The following CEP78 variants were observed in gnomAD, a reference collection of about 807,000 sequenced individuals.
The protein encoded by CEP78 is centrosomal protein of 78 kDa.
CEP78 carries 76 observed loss-of-function variants against 81.2 expected under a neutral mutation model. That is an observed-to-expected ratio of 0.94 (90% confidence interval 0.78 to 1.13). The LOEUF (loss-of-function observed/expected upper bound fraction) is 1.13. CEP78 is among the 50% of genes most tolerant of loss of function. CEP78 has a pLI of 0.00. For missense variants in CEP78, 918 were observed against 846.8 expected, an observed-to-expected ratio of 1.08 and a Z score of -1.04; for synonymous variants, 293 against 301.4, an observed-to-expected ratio of 0.97 and a Z score of 0.29.
rs61730338 is a variant in CEP78, at chr9:78,248,353, G to A, written c.955G>A (p.Glu319Lys). 1 of 1,555,996 alleles carries A rather than the reference G, an allele frequency of 6.4e-7. No homozygotes were observed. Among genetic ancestry groups the A allele is most frequent in the African/African-American group, 1.4e-5 (1 of 73,782 alleles). Residue 319 changes from glutamate (E) to lysine (K), a missense_variant and splice_region_variant, in exon 7 of 17, where the codon GAG becomes AAG. By Grantham distance (56) the Glu-to-Lys change is moderately conservative. Transcript: ENST00000643273. Reference protein sequence around the residue: ...VLQNGRSAKSEYQWITSPSVK... With the variant: ...VLQNGRSAKSKYQWITSPSVK... Reference sequence around the variant, plus strand: ...CCAGAATGGAAGGAGTGCCAAATCAGAGGTATATCATGTTTTATTTCTCCA... The same window carrying A: ...CCAGAATGGAAGGAGTGCCAAATCAAAGGTATATCATGTTTTATTTCTCCA...
chr9:78,257,578 T>C (rs530641097), intron 11 of CEP78, among the ~76,000 whole-genome samples: 1 of 152,080 alleles, frequency 6.6e-6, no homozygotes, highest in Non-Finnish European at 1.5e-5. Context: ...TTACTATGTA[T>C]TAGGCACTGT....
Position 78,241,769 on chromosome 9 carries a change from G to A in CEP78, c.573G>A (p.Gln191=), listed in dbSNP as rs1826243571. 1 of 1,607,610 alleles carries A rather than the reference G, an allele frequency of 6.2e-7. No homozygotes were observed. The highest frequency in any genetic ancestry group is 1.3e-5 in the African/African-American group (1 of 74,772). ...VNFTGCNLTW[Q]GADHMAKILK... ...TCACAGGATGTAATCTGACATGGCA[G>A]GGAGCAGATCACATGGCCAAGATCT... Residue 191 remains glutamine (Q), a synonymous_variant, in exon 4 of 17, where the codon CAG becomes CAA. Coordinates refer to ENST00000643273, the MANE Select transcript of CEP78 (RefSeq NM_001330691.3).
rs11137580 is a variant in CEP78, at chr9:78,264,970, G to T, written c.1626-402G>T. On this transcript the variant is annotated intron_variant, in intron 13 of 16. Coordinates refer to ENST00000643273, the MANE Select transcript of CEP78 (RefSeq NM_001330691.3). ...GTTATGTTTTGTAGGTGAACGGTTTGGTGAGGAAAGGAACAAACATATTCT... is the reference window on the plus strand; with the variant it reads ...GTTATGTTTTGTAGGTGAACGGTTTTGTGAGGAAAGGAACAAACATATTCT... Among the ~76,000 whole-genome samples the T allele has an allele frequency of 2.0e-3, 308 of 152,270 alleles. 7 individuals carry two copies. The East Asian group carries it at 0.051, about 25-fold the overall frequency.
At chr9:78,268,768 C>T (rs1237443818) in intron 16 of CEP78, among the ~76,000 whole-genome samples, 2 of 150,578 alleles carry the variant, frequency 1.3e-5, no homozygotes, top group East Asian at 2.0e-4. Flanking sequence ...CTGCAAGCTC[C>T]GCCTCAGCCT....
At chr9:78,251,790 G>A in intron 8 of CEP78, 118 bp from the exon 9 acceptor site, 1 of 667,160 alleles carries the variant, frequency 1.5e-6, no homozygotes, top group Non-Finnish European at 2.3e-6. Flanking sequence ...CTGATTTAAT[G>A]GACTTGGTGT....
intron 1 of CEP78, among the ~76,000 whole-genome samples, chr9:78,238,223 G>C (rs546549459): frequency 3.3e-5 from 5 of 152,260 alleles, no homozygotes; most frequent in African/African-American, 9.6e-5. Flanking sequence ...ATGGGTGACA[G>C]TTTACAGCAG....
Position 78,254,922 on chromosome 9 carries a change from T to C in CEP78, c.1338T>C (p.His446=), listed in dbSNP as rs968853625. Residue 446 remains histidine, a synonymous_variant, in exon 11 of 17, where the codon CAT becomes CAC. Coordinates refer to ENST00000643273, the MANE Select transcript of CEP78 (RefSeq NM_001330691.3). ...EEVDDSSESV[H]EVPEKTSIEQ... is the part of the protein sequence containing the mutation. ...TTGATGATTCTTCAGAGAGTGTTCA[T>C]GAAGTGCCTGAGAAAACTAGTATAG... The C allele has an allele frequency of 1.9e-6, 3 of 1,611,940 alleles. No homozygotes were observed. The highest frequency in any genetic ancestry group is 2.2e-5 in the East Asian group (1 of 44,728).
chr9:78,246,025 A>G (rs762137889), intron 5 of CEP78, among the ~76,000 whole-genome samples: 1 of 152,290 alleles, frequency 6.6e-6, no homozygotes, highest in African/African-American at 2.4e-5. Context: ...TTACACTGCC[A>G]CTAGCATCCT....
At chr9:78,270,745 T>A in intron 16 of CEP78, 96 bp from the exon 17 acceptor site, 1 of 604,958 alleles carries the variant, frequency 1.7e-6, no homozygotes, top group Admixed American at 3.3e-5. Context: ...AGGATCGGCA[T>A]GATAGGAGAT....
intron 16 of CEP78, chr9:78,267,040 A>C: frequency 1.7e-6 from 2 of 1,192,314 alleles, no homozygotes; most frequent in Non-Finnish European, 2.2e-6. Context: ...TTTACCTTTA[A>C]ATTTTAATAA....
chr9:78,270,987 C>T lies in CEP78; in HGVS notation c.*136C>T, dbSNP rs1173296140. The T allele has an allele frequency of 5.7e-6, 3 of 525,070 alleles. No homozygotes were observed. The highest frequency in any genetic ancestry group is 9.9e-6 in the Non-Finnish European group (3 of 303,258). The allele number at this position is 525,070 out of a possible 1,614,324, so 32.5% of individuals were successfully genotyped here. A position where few individuals can be genotyped will look rare whatever the true frequency, so the allele number is the denominator to read the frequency against. ...TAAAGGATGGAACAGCTAAGCCATT[C>T]CACTCATCTTTGGAGCATCTGATTC... is the stretch of plus-strand genomic sequence containing the variant. On this transcript the variant is annotated 3_prime_UTR_variant, in exon 17 of 17. Coordinates refer to ENST00000643273, the MANE Select transcript of CEP78 (RefSeq NM_001330691.3).
Position 78,274,108 on chromosome 9 carries a change from A to G in CEP78, c.*3257A>G, listed in dbSNP as rs1827754202. 1 of 152,268 alleles carries G rather than the reference A, an allele frequency of 6.6e-6. No individual in the cohort carries two copies. The highest frequency in any genetic ancestry group is 2.1e-4 in the South Asian group (1 of 4,830). The allele number at this position is 152,268 out of a possible 1,614,324, so 9.4% of individuals were successfully genotyped here. On this transcript the variant is annotated 3_prime_UTR_variant, in exon 17 of 17. Transcript: ENST00000643273. ...GTGGATATTTATAGCAGCTCCATTC[A>G]TAGTGACCAAGATGTCTTCCAACAG...
chr9:78,236,421 C>T lies in CEP78; in HGVS notation c.71C>T (p.Ala24Val), dbSNP rs1370536487. 1 of 1,601,022 alleles carries T rather than the reference C, an allele frequency of 6.2e-7. No homozygotes were observed. The highest frequency in any genetic ancestry group is 8.5e-7 in the Non-Finnish European group (1 of 1,174,238). ...TTCTCCCACTACGAGTACCTGTGCG[C>T]GCTGCAGAACTCGGTGCCGCTGCCC... Reference protein sequence around the residue: ...DFFSHYEYLCALQNSVPLPAV... With the variant: ...DFFSHYEYLCVLQNSVPLPAV... Residue 24 changes from alanine (A) to valine (V), a missense_variant, in exon 1 of 17, where the codon GCG becomes GTG. Physicochemically the swap from Ala to Val is moderately conservative, Grantham distance 64. Transcript: ENST00000643273.
In CEP78 at chr9:78,273,256, G is replaced by GTCA. The variant is rs1827732465; in HGVS notation, c.*2407_*2409dup. ...TGCTATTTGCAAAATCTAAAACGCTGTCATAGATTATAAAGAGATGAACAA... is the reference window on the plus strand; with the variant it reads ...TGCTATTTGCAAAATCTAAAACGCTGTCATCATAGATTATAAAGAGATGAACAA... On this transcript the variant is annotated 3_prime_UTR_variant, in exon 17 of 17. Coordinates refer to ENST00000643273, the MANE Select transcript of CEP78 (RefSeq NM_001330691.3). 6.6e-6 allele frequency: 1 copy of GTCA among 152,172 alleles called. No individual in the cohort carries two copies. Among genetic ancestry groups the GTCA allele is most frequent in the South Asian group, 2.1e-4 (1 of 4,826 alleles). The allele number at this position is 152,172 out of a possible 1,614,324, so 9.4% of individuals were successfully genotyped here.
intron 9 of CEP78, 116 bp from the exon 10 acceptor site, chr9:78,253,116 C>G: frequency 1.6e-6 from 1 of 623,742 alleles, no homozygotes; most frequent in East Asian, 2.8e-5. Flanking sequence ...AGTGATTTAT[C>G]TCTATGCACA....
chr9:78,266,339 TG>T, intron 15 of CEP78, 102 bp from the exon 16 acceptor site: 1 of 900,346 alleles, frequency 1.1e-6, no homozygotes, highest in Non-Finnish European at 1.7e-6. Flanking sequence ...AAAAATGACC[TG>T]GAAATCTTCT....
At chr9:78,265,961 C>A in intron 15 of CEP78, 55 bp downstream of exon 15, 2 of 861,726 alleles carry the variant, frequency 2.3e-6, no homozygotes, top group South Asian at 1.4e-5. Context: ...ATATAACAGG[C>A]AGTATATTAT....
chr9:78,246,369 G>A (rs1451863553), intron 5 of CEP78, among the ~76,000 whole-genome samples: 1 of 152,176 alleles, frequency 6.6e-6, no homozygotes, highest in Admixed American at 6.5e-5. Flanking sequence ...GGAGGCCGAG[G>A]TGGGCAGATC....
chr9:78,236,637 G>C, intron 1 of CEP78, 34 bp downstream of exon 1: 1 of 1,513,938 alleles, frequency 6.6e-7, no homozygotes, highest in Non-Finnish European at 8.8e-7. Flanking sequence ...CCCCTCAGTC[G>C]GTGCGGCGAA....
Sources: allele counts gnomAD v4.1 joint callset (sites outside exome capture counted in the v4.1 genomes callset), GRCh38; gene constraint gnomAD v4.1.1; transcripts MANE v1.5; gene names NCBI Gene and HGNC (gene_info 2026-07-23, HGNC 2026-07-21).